The following MTUS2 variants were observed in gnomAD, a reference collection of about 807,000 sequenced individuals.
MTUS2 encodes the protein microtubule-associated tumor suppressor candidate 2.
A neutral mutation model predicts 114.1 loss-of-function variants in MTUS2; 40 were observed. The ratio of observed to expected loss-of-function variants is 0.35; its 90% CI spans 0.27 to 0.46. The LOEUF (loss-of-function observed/expected upper bound fraction) is 0.46, where lower values mean the gene tolerates loss of function less well. Among genes scored for constraint, MTUS2 ranks in the 20% least tolerant of loss-of-function variants. The pLI is 1.00. For synonymous variants in MTUS2, 688 were observed against 672.0 expected (o/e 1.02, Z -0.37); for missense variants, 1,679 against 1,705.4 (o/e 0.98, Z 0.27).
chr13:29,013,775 C>T (rs1885951288), intron 2 of MTUS2, among the ~76,000 whole-genome samples: 1 of 152,170 alleles, frequency 6.6e-6, no homozygotes, highest in Non-Finnish European at 1.5e-5. Context: ...ACTATCCACA[C>T]ACACACACAT....
intron 9 of MTUS2, among the ~76,000 whole-genome samples, chr13:29,458,572 T>C (rs1204274686): frequency 6.6e-6 from 1 of 152,172 alleles, no homozygotes; most frequent in Non-Finnish European, 1.5e-5. Context: ...ATGATCTCTC[T>C]GATGATCTCA....
In MTUS2 at chr13:29,148,767, C is replaced by T. The variant is rs1297314406; in HGVS notation, c.2644+47797C>T. ...TGCTGGGATTACAGGCGTGAGCCAC[C>T]GCGCCCGGCCCTGTGTTTGGTTTTC... On this transcript the variant is annotated intron_variant, in intron 5 of 15. Coordinates refer to ENST00000612955, the MANE Select transcript of MTUS2 (RefSeq NM_001033602.4). Among the ~76,000 whole-genome samples, 4 of 60,954 alleles carry T rather than the reference C, an allele frequency of 6.6e-5. 1 individual carries two copies. Among genetic ancestry groups the T allele is most frequent in the East Asian group, 5.9e-4 (1 of 1,682 alleles). 40.0% of individuals were successfully genotyped at this position (60,954 alleles called of 152,430 possible).
At chr13:29,319,008 T>A (rs1176259682) in intron 6 of MTUS2, among the ~76,000 whole-genome samples, 1 of 152,148 alleles carries the variant, frequency 6.6e-6, no homozygotes, top group African/African-American at 2.4e-5. Flanking sequence ...CCTTCTTCCT[T>A]CCCGGCAAAA....
intron 6 of MTUS2, among the ~76,000 whole-genome samples, chr13:29,300,733 A>T (rs544631009): frequency 6.6e-6 from 1 of 152,196 alleles, no homozygotes; most frequent in African/African-American, 2.4e-5. Flanking sequence ...GTAGTTCTTC[A>T]TGGGGTGTAG....
intron 6 of MTUS2, among the ~76,000 whole-genome samples, chr13:29,290,064 C>G (rs983069613): frequency 6.6e-6 from 1 of 152,168 alleles, no homozygotes; most frequent in African/African-American, 2.4e-5. Flanking sequence ...ACCTGTCGTT[C>G]TACATATCTT....
chr13:29,253,011 G>C (rs1015178206), intron 5 of MTUS2, among the ~76,000 whole-genome samples: 4 of 151,694 alleles, frequency 2.6e-5, no homozygotes, highest in Admixed American at 2.0e-4. Context: ...GGGTAACCTA[G>C]AAAGAGAATT....
chr13:29,140,245 A>G (rs1892162275), intron 5 of MTUS2, among the ~76,000 whole-genome samples: 1 of 152,222 alleles, frequency 6.6e-6, no homozygotes, highest in Non-Finnish European at 1.5e-5. Flanking sequence ...TTAAATTTAG[A>G]GTCTTCAGAC....
At chr13:29,409,203 C>T (rs887435710) in intron 8 of MTUS2, among the ~76,000 whole-genome samples, 15 of 152,108 alleles carry the variant, frequency 9.9e-5, no homozygotes, top group Admixed American at 1.3e-4. Flanking sequence ...GTAATCTCAG[C>T]TACTCGGGAG....
At chr13:28,866,738 C>T (rs557161353) in intron 2 of MTUS2, among the ~76,000 whole-genome samples, 2 of 151,878 alleles carry the variant, frequency 1.3e-5, no homozygotes, top group Non-Finnish European at 2.9e-5. Flanking sequence ...TGAATTCAGC[C>T]TTTATTTTTG....
chr13:28,837,311 C>T (rs1358796251), intron 1 of MTUS2, among the ~76,000 whole-genome samples: 1 of 152,152 alleles, frequency 6.6e-6, no homozygotes, highest in African/African-American at 2.4e-5. Flanking sequence ...GTTTGCATAC[C>T]AATGTGCAGA....
Position 29,026,695 on chromosome 13 carries a change from G to A in MTUS2, c.1997G>A (p.Gly666Glu), listed in dbSNP as rs1886569826. Residue 666 changes from glycine to glutamate, a missense_variant, in exon 3 of 16, where the codon GGG (glycine) becomes GAG (glutamate). Transcript: ENST00000612955. ...GTGGACGCCTCGCTGGTTCCAGTGG[G>A]GCTTCCATATGCCCCGCCCACATGT... ...GQVDASLVPVGLPYAPPTCTM... is the reference protein window; with the variant it reads ...GQVDASLVPVELPYAPPTCTM... The A allele has an allele frequency of 6.2e-7, 1 of 1,613,870 alleles. No homozygotes were observed. The highest frequency in any genetic ancestry group is 1.1e-5 in the South Asian group (1 of 91,086).
intron 5 of MTUS2, among the ~76,000 whole-genome samples, chr13:29,178,643 C>T (rs1290018739): frequency 6.6e-6 from 1 of 151,842 alleles, no homozygotes; most frequent in Non-Finnish European, 1.5e-5. Context: ...AGCAAAATCA[C>T]TCCCAGTTGA....
intron 2 of MTUS2, among the ~76,000 whole-genome samples, chr13:28,899,220 A>C (rs933921911): frequency 2.0e-5 from 3 of 152,182 alleles, no homozygotes; most frequent in African/African-American, 7.2e-5. Flanking sequence ...TGTTAAATCA[A>C]GTTTAGCCTG....
chr13:28,910,068 A>G (rs1031062877), intron 2 of MTUS2, among the ~76,000 whole-genome samples: 3 of 152,220 alleles, frequency 2.0e-5, no homozygotes, highest in African/African-American at 7.2e-5. Context: ...TAAATGTGCA[A>G]TTAAACTATT....
intron 2 of MTUS2, among the ~76,000 whole-genome samples, chr13:28,984,565 C>G (rs190407703): frequency 6.6e-6 from 1 of 152,160 alleles, no homozygotes; most frequent in Non-Finnish European, 1.5e-5. Context: ...AGCGTGCCTA[C>G]GATAGAGTTG....
At chr13:28,853,453 A>T (rs772976774) in intron 2 of MTUS2, among the ~76,000 whole-genome samples, 2 of 152,118 alleles carry the variant, frequency 1.3e-5, no homozygotes, top group African/African-American at 2.4e-5. Context: ...AGGTTTTATT[A>T]TATTTTGCTA....
At chr13:28,886,006 G>C (rs1878571791) in intron 2 of MTUS2, among the ~76,000 whole-genome samples, 1 of 152,144 alleles carries the variant, frequency 6.6e-6, no homozygotes, top group African/African-American at 2.4e-5. Context: ...AGTTGGGGAA[G>C]GGCATTCCCG....
intron 2 of MTUS2, among the ~76,000 whole-genome samples, chr13:28,961,086 CAACAG>C (rs1457284830): frequency 6.6e-6 from 1 of 151,976 alleles, no homozygotes; most frequent in Non-Finnish European, 1.5e-5. Flanking sequence ...ATTATCTAAA[CAACAG>C]AGAAAATAAA....
intron 8 of MTUS2, among the ~76,000 whole-genome samples, chr13:29,374,466 A>G (rs2138320397): frequency 6.6e-6 from 1 of 152,364 alleles, no homozygotes; most frequent in Non-Finnish European, 1.5e-5. Flanking sequence ...CACATTACCT[A>G]TCGGGGAACA....
Sources: gnomAD v4.1 joint callset for allele counts (sites outside exome capture counted in the v4.1 genomes callset) on GRCh38, gnomAD v4.1.1 for gene constraint, MANE v1.5 for transcripts, NCBI Gene and HGNC (gene_info 2026-07-23, HGNC 2026-07-21) for gene names.